HOXC5: variants seen among roughly 807,000 people sequenced by gnomAD.
HOXC5 encodes homeobox protein Hox-C5.
A neutral mutation model predicts 20.1 loss-of-function variants in HOXC5; 19 were observed. The ratio of observed to expected loss-of-function variants is 0.94; its 90% CI spans 0.66 to 1.38. The LOEUF (loss-of-function observed/expected upper bound fraction) is 1.38. Ranked by LOEUF, HOXC5 falls within the 40% of genes most tolerant of loss-of-function variation. HOXC5 has a pLI of 0.00. For missense variants in HOXC5, 330 were observed against 300.1 expected, an observed-to-expected ratio of 1.10 and a Z score of -0.74; for synonymous variants, 124 against 117.0, an observed-to-expected ratio of 1.06 and a Z score of -0.39.
the HOXC5 span, among the ~76,000 whole-genome samples, chr12:54,023,916 C>T: frequency 2.2e-4 from 34 of 152,282 alleles, no homozygotes; most frequent in South Asian, 1.9e-3. Flanking sequence ...TCTGGCAGAC[C>T]AGGAGGCTCT....
the HOXC5 span, among the ~76,000 whole-genome samples, chr12:54,017,655 G>A: frequency 1.3e-5 from 2 of 152,112 alleles, no homozygotes; most frequent in Non-Finnish European, 2.9e-5. Flanking sequence ...TTGGGGGTGG[G>A]GAGGCAAGGG....
At chr12:54,018,706 T>C in the HOXC5 span, among the ~76,000 whole-genome samples, 1 of 152,122 alleles carries the variant, frequency 6.6e-6, no homozygotes, top group Non-Finnish European at 1.5e-5. Context: ...TTTCTGTTTA[T>C]AAACGGCGAC....
At chr12:54,033,694 TC>T in intron 1 of HOXC5, 118 bp downstream of exon 1, 1 of 864,882 alleles carries the variant, frequency 1.2e-6, no homozygotes, top group African/African-American at 1.7e-5. Context: ...CATCAATGGC[TC>T]GTAAAACTGT....
the HOXC5 span, among the ~76,000 whole-genome samples, chr12:54,024,359 A>C: frequency 0.29 from 44,608 of 152,014 alleles, 7,375 homozygotes; most frequent in East Asian, 0.44. Context: ...GAGCAGCCTC[A>C]GGAGGCACCG....
upstream of HOXC5, among the ~76,000 whole-genome samples, chr12:54,032,679 A>G (rs770478155): frequency 2.6e-5 from 4 of 152,160 alleles, no homozygotes; most frequent in Non-Finnish European, 5.9e-5. Context: ...TCTCCTTCAC[A>G]GTGTAGGAAA....
At chr12:54,023,883 C>T in the HOXC5 span, among the ~76,000 whole-genome samples, 1 of 152,180 alleles carries the variant, frequency 6.6e-6, no homozygotes, top group Non-Finnish European at 1.5e-5. Flanking sequence ...TGTTCCCAAA[C>T]AGCATTCCCT....
intron 1 of HOXC5, chr12:54,033,976 C>T (rs1565746100): frequency 1.8e-6 from 1 of 571,252 alleles, no homozygotes; most frequent in Non-Finnish European, 3.3e-6. Flanking sequence ...GGGGGGTCCC[C>T]GGTGCTCGGA....
At chr12:54,033,000 A>G, upstream of HOXC5, 6 of 741,582 alleles carry the variant, frequency 8.1e-6, 1 homozygote, top group South Asian at 1.1e-4. Context: ...CATAGGATAA[A>G]GAAAGAGATA....
rs1161820800 is a variant in HOXC5, at chr12:54,033,421, G to C, written c.299G>C (p.Ser100Thr). Residue 100 changes from serine to threonine, a missense_variant, in exon 1 of 2, where the codon AGT (serine) becomes ACT (threonine). By Grantham distance (58) the Ser-to-Thr change is moderately conservative. Transcript: ENST00000312492. ...GCTCCTCTGAACCCCGGGATGTACA[G>C]TCAGAAGGCGGCTCGCCCGGCGCTG... ...EAAPLNPGMYSQKAARPALEE... is the reference protein window; with the variant it reads ...EAAPLNPGMYTQKAARPALEE... The C allele has an allele frequency of 1.9e-6, 3 of 1,607,264 alleles. No homozygotes were observed. The highest frequency in any genetic ancestry group is 2.5e-6 in the Non-Finnish European group (3 of 1,177,464).
chr12:54,028,826 A>G, upstream of HOXC5: 1 of 1,614,210 alleles, frequency 6.2e-7, no homozygotes, highest in East Asian at 2.2e-5. Context: ...TCAATCGCTC[A>G]GGATTTTAGT....
At chr12:54,021,071 T>A in the HOXC5 span, 1 of 152,452 alleles carries the variant, frequency 6.6e-6, no homozygotes, top group African/African-American at 2.4e-5. Context: ...GAGTGGTTAA[T>A]AAGGTGGCCT....
the HOXC5 span, chr12:54,017,396 A>ACCT: frequency 6.6e-6 from 1 of 152,204 alleles, no homozygotes; most frequent in Admixed American, 6.5e-5. Context: ...GGAGAGAGGG[A>ACCT]GAGTGACAGC....
At chr12:54,032,195 G>A (rs992433880), upstream of HOXC5, among the ~76,000 whole-genome samples, 1 of 152,110 alleles carries the variant, frequency 6.6e-6, no homozygotes, top group African/African-American at 2.4e-5. Flanking sequence ...GCCACTCTGG[G>A]GACCCTAGCA....
At chr12:54,019,021 T>A in the HOXC5 span, among the ~76,000 whole-genome samples, 1 of 152,126 alleles carries the variant, frequency 6.6e-6, no homozygotes, top group Non-Finnish European at 1.5e-5. Flanking sequence ...ATCAAACCGT[T>A]TGGGCCAGAG....
upstream of HOXC5, chr12:54,028,268 T>TA (rs1555185189): frequency 2.0e-3 from 143 of 72,384 alleles, no homozygotes; most frequent in Middle Eastern, 6.1e-3. Flanking sequence ...TATATATATA[T>TA]TTTTTAAAAG....
At chr12:54,029,556 G>C, upstream of HOXC5, 1 of 1,288,310 alleles carries the variant, frequency 7.8e-7, no homozygotes. Context: ...GCTGTGAGCT[G>C]CTGGCCAGGT....
rs370344965 is a variant in HOXC5, at chr12:54,034,370, C to G, written c.547C>G (p.Arg183Gly). The change falls in exon 2 of 2, where the codon CGC becomes GGC. Residue 183 changes from arginine to glycine, a missense_variant. By Grantham distance (125) the Arg-to-Gly change is moderately radical (BLOSUM62 -2). Coordinates refer to ENST00000312492, the MANE Select transcript of HOXC5 (RefSeq NM_018953.4). ...CCACTTTAACCGCTACCTCACTCGC[C>G]GCAGGCGCATAGAGATCGCCAACAA... Reference protein sequence around the residue: ...EFHFNRYLTRRRRIEIANNLC... With the variant: ...EFHFNRYLTRGRRIEIANNLC... The G allele has an allele frequency of 1.9e-6, 3 of 1,614,204 alleles. No individual in the cohort carries two copies. The highest frequency in any genetic ancestry group is 2.5e-6 in the Non-Finnish European group (3 of 1,180,020).
At chr12:54,027,597 C>T in the HOXC5 span, among the ~76,000 whole-genome samples, 2 of 152,172 alleles carry the variant, frequency 1.3e-5, no homozygotes, top group Non-Finnish European at 2.9e-5. Context: ...CCCTCCGGTG[C>T]CACCTCCCTA....
upstream of HOXC5, chr12:54,028,484 T>G (rs200476091): frequency 1.4e-5 from 22 of 1,588,276 alleles, no homozygotes; most frequent in Admixed American, 1.4e-4. Flanking sequence ...GAAATAAATA[T>G]TAAAGAAATC....
Sources: gnomAD v4.1 joint callset for allele counts (sites outside exome capture counted in the v4.1 genomes callset) on GRCh38, gnomAD v4.1.1 for gene constraint, MANE v1.5 for transcripts, NCBI Gene and HGNC (gene_info 2026-07-23, HGNC 2026-07-21) for gene names.